The following BFSP1 variants were observed in gnomAD, a reference collection of about 807,000 sequenced individuals.
BFSP1 encodes beaded filament structural protein 1.
Under a neutral mutation model 43.9 loss-of-function variants are expected in BFSP1, and 38 were observed. The observed-to-expected ratio is 0.87, with a 90% confidence interval of 0.67 to 1.14. BFSP1 has a LOEUF of 1.14. BFSP1 is among the 50% of genes most tolerant of loss of function. The pLI is 0.00. For synonymous variants in BFSP1, 352 were observed against 354.8 expected (o/e 0.99, Z 0.09); for missense variants, 850 against 875.1 (o/e 0.97, Z 0.36).
At chr20:17,516,877 C>A (rs1159543804) in intron 2 of BFSP1, 4 of 666,086 alleles carry the variant, frequency 6.0e-6, no homozygotes, top group Non-Finnish European at 1.1e-5. Flanking sequence ...ACAGGGAAGA[C>A]CATCACCCTC....
rs114690639 is a variant in BFSP1 at position 17,495,128 on chromosome 20, G to A, written c.1043-99C>T. Reference sequence around the variant, plus strand: ...TAGGCTAACTCTCTCGGAAACAAACGCCTATAGTACTAGGGTGGGGCTTCC... The same window carrying A: ...TAGGCTAACTCTCTCGGAAACAAACACCTATAGTACTAGGGTGGGGCTTCC... On this transcript the variant is annotated intron_variant, in intron 7 of 7. Transcript: ENST00000377873. 3.8e-4 allele frequency: 442 copies of A among 1,170,062 alleles called. 1 individual carries two copies. In the African/African-American group the frequency reaches 5.9e-3, roughly 16 times the overall value. 72.5% of individuals were successfully genotyped at this position (1,170,062 alleles called of 1,614,324 possible).
At chr20:17,548,504 T>C (rs951434577) in intron 1 of BFSP1, among the ~76,000 whole-genome samples, 3 of 152,226 alleles carry the variant, frequency 2.0e-5, no homozygotes, top group African/African-American at 7.2e-5. Context: ...CAAATACCTG[T>C]ATGAATTGGG....
chr20:17,504,910 T>TTTTTTGTTTGTG (rs2033894302), intron 5 of BFSP1, among the ~76,000 whole-genome samples: 2 of 139,146 alleles, frequency 1.4e-5, no homozygotes, highest in South Asian at 4.4e-4. Context: ...GTAAGGTTTT[T>TTTTTTGTTTGTG]TTTTTGTTTT....
chr20:17,494,866 C>T lies in BFSP1; in HGVS notation c.1206G>A (p.Val402=). The T allele has an allele frequency of 6.2e-7, 1 of 1,614,168 alleles. No individual in the cohort carries two copies. The highest frequency in any genetic ancestry group is 1.3e-5 in the African/African-American group (1 of 75,034). Residue 402 remains valine, a synonymous_variant, in exon 8 of 8, where the codon GTG becomes GTA. Coordinates refer to ENST00000377873, the MANE Select transcript of BFSP1 (RefSeq NM_001195.5). The stretch of plus-strand genomic sequence containing the variant: ...TAGATTCACTTTCCTCTTTAAGTAC[C>T]ACCTGTACCAGCTTTGTGTCTTCCA... ...KGLEDTKLVQ[V]VLKEESESKF...
chr20:17,497,546 G>A (rs1314039605), intron 6 of BFSP1, among the ~76,000 whole-genome samples: 1 of 66,852 alleles, frequency 1.5e-5, no homozygotes, highest in Non-Finnish European at 2.7e-5. Flanking sequence ...ATATATGTGT[G>A]TATATATGTA....
Position 17,494,088 on chromosome 20 carries a change from C to T in BFSP1, c.1984G>A (p.Glu662Lys). 1 of 1,612,884 alleles carries T rather than the reference C, an allele frequency of 6.2e-7. No individual in the cohort carries two copies. Among genetic ancestry groups the T allele is most frequent in the Non-Finnish European group, 8.5e-7 (1 of 1,179,310 alleles). The change falls in exon 8 of 8, where the codon GAG becomes AAG. Residue 662 changes from glutamate (E) to lysine (K), a missense_variant. Glu to Lys is a moderately conservative substitution (Grantham distance 56). Coordinates refer to ENST00000377873, the MANE Select transcript of BFSP1 (RefSeq NM_001195.5). ...KTKSDKKKSG[E>K]KSS ...GCCTGGGCATTTTAAGAGCTCTTCT[C>T]TCCTGATTTCTTCTTGTCTGACTTT...
At chr20:17,501,425 C>T (rs552398649) in intron 5 of BFSP1, among the ~76,000 whole-genome samples, 19 of 152,094 alleles carry the variant, frequency 1.2e-4, no homozygotes, top group Non-Finnish European at 2.1e-4. Context: ...ATTAGCTGGG[C>T]GTGGTGGCTG....
intron 1 of BFSP1, among the ~76,000 whole-genome samples, chr20:17,528,034 C>T (rs2034458957): frequency 6.6e-6 from 1 of 152,164 alleles, no homozygotes; most frequent in South Asian, 2.1e-4. Flanking sequence ...TGGCATGGAA[C>T]CAAGCCTGCA....
chr20:17,548,313 A>C (rs564630760), intron 1 of BFSP1, among the ~76,000 whole-genome samples: 1 of 152,024 alleles, frequency 6.6e-6, no homozygotes, highest in African/African-American at 2.4e-5. Flanking sequence ...CGATCAATTT[A>C]TTTACAAAAT....
At chr20:17,526,945 G>C (rs1341961254) in intron 1 of BFSP1, among the ~76,000 whole-genome samples, 1 of 152,134 alleles carries the variant, frequency 6.6e-6, no homozygotes. Flanking sequence ...TTAACACTGA[G>C]CCCAATCCAC....
intron 7 of BFSP1, among the ~76,000 whole-genome samples, chr20:17,495,977 G>C (rs2033622300): frequency 6.6e-6 from 1 of 152,206 alleles, no homozygotes; most frequent in African/African-American, 2.4e-5. Flanking sequence ...GAGAGGGACA[G>C]GGCACAGGAA....
At position 17,514,857 on chromosome 20, in the gene BFSP1, G is replaced by T. The variant is rs779647059; in HGVS notation, c.439-41C>A. ...CATATCCCTGGCCACAGGCACCATG[G>T]AGCATAGGGGTAAAGCTGGCCGGGT... On this transcript the variant is annotated intron_variant, in intron 2 of 7. Coordinates refer to ENST00000377873, the MANE Select transcript of BFSP1 (RefSeq NM_001195.5). 6.3e-6 allele frequency: 10 copies of T among 1,580,386 alleles called. No homozygotes were observed. The South Asian group carries it at 1.1e-4, about 18-fold the overall frequency.
At chr20:17,500,697 GC>G in intron 5 of BFSP1, among the ~76,000 whole-genome samples, 2 of 152,198 alleles carry the variant, frequency 1.3e-5, no homozygotes, top group Middle Eastern at 3.4e-3. Flanking sequence ...CATTACCCCA[GC>G]CGCAGCCTCC....
chr20:17,514,417 T>A (rs1466219167), intron 3 of BFSP1, among the ~76,000 whole-genome samples: 2 of 152,158 alleles, frequency 1.3e-5, no homozygotes, highest in African/African-American at 4.8e-5. Flanking sequence ...GCGGAAACAG[T>A]TGATGGACTG....
At chr20:17,518,765 A>C (rs1350127840) in intron 2 of BFSP1, among the ~76,000 whole-genome samples, 2 of 152,218 alleles carry the variant, frequency 1.3e-5, no homozygotes, top group African/African-American at 4.8e-5. Flanking sequence ...CAGGAATCTA[A>C]GTAGCAGGAG....
chr20:17,547,731 TTTC>T (rs1381182000), intron 1 of BFSP1, among the ~76,000 whole-genome samples: 44 of 114,242 alleles, frequency 3.9e-4, no homozygotes, highest in African/African-American at 1.1e-3. Context: ...TTTCTTTTTC[TTTC>T]TTTTTTTTTT....
At chr20:17,553,792 TATACACACAC>T (rs1568717805) in intron 1 of BFSP1, among the ~76,000 whole-genome samples, 1 of 68,566 alleles carries the variant, frequency 1.5e-5, no homozygotes, top group Non-Finnish European at 2.4e-5. Flanking sequence ...TATATATATA[TATACACACAC>T]ACACACACAC....
At chr20:17,529,231 C>A (rs1386229019) in intron 1 of BFSP1, among the ~76,000 whole-genome samples, 1 of 152,114 alleles carries the variant, frequency 6.6e-6, no homozygotes, top group Non-Finnish European at 1.5e-5. Context: ...TGCCACTACA[C>A]CCAGCTAATT....
intron 7 of BFSP1, among the ~76,000 whole-genome samples, chr20:17,496,390 C>T (rs529403151): frequency 6.6e-6 from 1 of 152,322 alleles, no homozygotes; most frequent in African/African-American, 2.4e-5. Flanking sequence ...GTCTTACAGA[C>T]CAAATGTTGA....
Sources: gnomAD v4.1 joint callset for allele counts (sites outside exome capture counted in the v4.1 genomes callset) on GRCh38, gnomAD v4.1.1 for gene constraint, MANE v1.5 for transcripts, NCBI Gene and HGNC (gene_info 2026-07-23, HGNC 2026-07-21) for gene names.